Variants in SPTLC3 observed in about 807,000 individuals in gnomAD.
SPTLC3 encodes serine palmitoyltransferase 3.
Under a neutral mutation model 59.3 loss-of-function variants are expected in SPTLC3, and 36 were observed. That is an observed-to-expected ratio of 0.61 (90% CI 0.47 to 0.80). The LOEUF (loss-of-function observed/expected upper bound fraction) is 0.80, where lower values mean the gene tolerates loss of function less well. Among genes scored for constraint, SPTLC3 ranks in the 30% least tolerant of loss-of-function variants. The pLI is 0.00. For missense variants in SPTLC3, 625 were observed against 685.1 expected (o/e 0.91, Z 0.98); for synonymous variants, 257 against 240.8 (o/e 1.07, Z -0.62).
At chr20:13,086,923 A>AG (rs1989023598) in intron 4 of SPTLC3, among the ~76,000 whole-genome samples, 2 of 152,038 alleles carry the variant, frequency 1.3e-5, no homozygotes, top group Non-Finnish European at 2.9e-5. Flanking sequence ...CCAGATAGCT[A>AG]GGACTATAGG....
chr20:13,161,315 GA>G (rs1199162080), intron 11 of SPTLC3, among the ~76,000 whole-genome samples: 1 of 152,176 alleles, frequency 6.6e-6, no homozygotes, highest in Non-Finnish European at 1.5e-5. Flanking sequence ...CTCAGTCCTA[GA>G]CATGTTGAGA....
chr20:13,085,226 T>C (rs1370886339), intron 4 of SPTLC3, among the ~76,000 whole-genome samples: 2 of 152,136 alleles, frequency 1.3e-5, no homozygotes, highest in Non-Finnish European at 2.9e-5. Flanking sequence ...TCTTCCAGAC[T>C]ATCTCGGAAT....
At chr20:13,011,883 C>T (rs1186329088) in intron 1 of SPTLC3, among the ~76,000 whole-genome samples, 3 of 152,120 alleles carry the variant, frequency 2.0e-5, no homozygotes, top group Non-Finnish European at 2.9e-5. Flanking sequence ...AGGATTTGTT[C>T]TCCCTCTTCA....
At position 13,089,785 on chromosome 20, in the gene SPTLC3, C is replaced by CAAA. The variant is rs752234758; in HGVS notation, c.608-1281_608-1279dup. On this transcript the variant is annotated intron_variant, in intron 4 of 11. Coordinates refer to ENST00000399002, the MANE Select transcript of SPTLC3 (RefSeq NM_018327.4). ...TGGATGACAGAGCGAGATTCTATCT[C>CAAA]AAAAAAAAAAAAAAAAAAACAAAAC... Among the ~76,000 whole-genome samples, 367 of 79,060 alleles carry CAAA rather than the reference C, an allele frequency of 4.6e-3. 10 individuals carry two copies. The highest frequency in any genetic ancestry group is 9.2e-3 in the African/African-American group (187 of 20,432). 51.9% of individuals were successfully genotyped at this position (79,060 alleles called of 152,430 possible).
At chr20:13,010,231 G>A (rs1486572436) in intron 1 of SPTLC3, among the ~76,000 whole-genome samples, 1 of 152,070 alleles carries the variant, frequency 6.6e-6, no homozygotes, top group African/African-American at 2.4e-5. Context: ...GAGCTCATCT[G>A]CCTGAGGAGC....
intron 10 of SPTLC3, among the ~76,000 whole-genome samples, chr20:13,159,326 T>A (rs1385959042): frequency 2.0e-5 from 3 of 152,198 alleles, no homozygotes; most frequent in Non-Finnish European, 1.5e-5. Flanking sequence ...CCATTCCTCT[T>A]AAACTCAGTT....
intron 8 of SPTLC3, among the ~76,000 whole-genome samples, chr20:13,122,208 A>G (rs2037882700): frequency 6.6e-6 from 1 of 152,228 alleles, no homozygotes; most frequent in Non-Finnish European, 1.5e-5. Context: ...TTTTAAAAGA[A>G]GTGTAAAGCT....
chr20:13,040,367 C>A (rs752112527), intron 1 of SPTLC3, among the ~76,000 whole-genome samples: 1 of 146,566 alleles, frequency 6.8e-6, no homozygotes, highest in Non-Finnish European at 1.5e-5. Flanking sequence ...TGTATTTATA[C>A]TTTTTTTTTT....
rs1030535998 is a variant in SPTLC3, at chr20:13,168,226, C to T, written c.*3359C>T. On this transcript the variant is annotated 3_prime_UTR_variant, in exon 12 of 12. Transcript: ENST00000399002. ...ACAGAGTTTTGTTCTTCTTGTTGCCCAGGCTATAGTGCAATGGCAAGATCT... is the reference window on the plus strand; with the variant it reads ...ACAGAGTTTTGTTCTTCTTGTTGCCTAGGCTATAGTGCAATGGCAAGATCT... 6.7e-6 allele frequency: 1 copy of T among 150,248 alleles called. No individual in the cohort carries two copies. Among genetic ancestry groups the T allele is most frequent in the Non-Finnish European group, 1.5e-5 (1 of 67,794 alleles). The allele number at this position is 150,248 out of a possible 1,614,324, so 9.3% of individuals were successfully genotyped here.
At chr20:13,135,955 A>G (rs540602717) in intron 9 of SPTLC3, among the ~76,000 whole-genome samples, 2 of 152,362 alleles carry the variant, frequency 1.3e-5, no homozygotes, top group South Asian at 2.1e-4. Context: ...TCAAGTGACC[A>G]GTAATGTCGG....
At chr20:13,040,678 C>T (rs1178829994) in intron 1 of SPTLC3, among the ~76,000 whole-genome samples, 1 of 150,942 alleles carries the variant, frequency 6.6e-6, no homozygotes, top group Non-Finnish European at 1.5e-5. Flanking sequence ...TTTGCCTGTG[C>T]CCCCTTTTTT....
chr20:13,095,172 G>C (rs2122638644), intron 6 of SPTLC3, among the ~76,000 whole-genome samples: 1 of 152,318 alleles, frequency 6.6e-6, no homozygotes, highest in South Asian at 2.1e-4. Context: ...CATGACAGAT[G>C]ATTGCTGATC....
intron 4 of SPTLC3, among the ~76,000 whole-genome samples, chr20:13,075,634 A>G (rs1317350136): frequency 6.6e-6 from 1 of 152,120 alleles, no homozygotes; most frequent in African/African-American, 2.4e-5. Flanking sequence ...TGGAGATGAA[A>G]ACAGGAGGCT....
intron 1 of SPTLC3, among the ~76,000 whole-genome samples, chr20:13,028,477 C>T (rs983268470): frequency 6.6e-6 from 1 of 151,918 alleles, no homozygotes; most frequent in African/African-American, 2.4e-5. Flanking sequence ...ATAAATTCAC[C>T]CTAAAAGATA....
Position 13,074,361 on chromosome 20 carries a change from A to G in SPTLC3, c.471A>G (p.Arg157=). 2 of 1,614,044 alleles carry G rather than the reference A, an allele frequency of 1.2e-6. No homozygotes were observed. The highest frequency in any genetic ancestry group is 1.7e-6 in the Non-Finnish European group (2 of 1,179,934). Residue 157 remains arginine, a synonymous_variant, in exon 4 of 12, where the codon AGA becomes AGG. Transcript: ENST00000399002. ...TGTTTCCCCACAGGTTTACTGGAAGAGTCATCAAAGATGTCATCAACATGG... is the reference window on the plus strand; with the variant it reads ...TGTTTCCCCACAGGTTTACTGGAAGGGTCATCAAAGATGTCATCAACATGG... ...DYNWTFRFTG[R]VIKDVINMGS...
At chr20:13,151,573 T>G (rs980275450) in intron 9 of SPTLC3, among the ~76,000 whole-genome samples, 3 of 152,198 alleles carry the variant, frequency 2.0e-5, no homozygotes, top group Non-Finnish European at 4.4e-5. Context: ...AAAACAAGCA[T>G]GGACAATTGG....
intron 4 of SPTLC3, among the ~76,000 whole-genome samples, chr20:13,083,277 A>T (rs1186804609): frequency 6.6e-6 from 1 of 152,120 alleles, no homozygotes; most frequent in Non-Finnish European, 1.5e-5. Context: ...AGATGTGTAT[A>T]TTCCTCTGAA....
In SPTLC3 at chr20:13,009,411, T is replaced by G. The variant is rs75655091; in HGVS notation, c.117+27T>G. 11,798 of 1,561,764 alleles carry G rather than the reference T, an allele frequency of 7.6e-3. 781 individuals are homozygous for G. In the African/African-American group the frequency reaches 0.14, roughly 19 times the overall value. On this transcript the variant is annotated intron_variant, in intron 1 of 11. Coordinates refer to ENST00000399002, the MANE Select transcript of SPTLC3 (RefSeq NM_018327.4). ...TAAGAGGCACTCTCCCCTACTCTTC[T>G]CTGAATTACCTGAACGTTTCAATAT... is the stretch of plus-strand genomic sequence containing the variant.
At chr20:13,117,929 A>G (rs1291885752) in intron 8 of SPTLC3, among the ~76,000 whole-genome samples, 1 of 152,210 alleles carries the variant, frequency 6.6e-6, no homozygotes, top group African/African-American at 2.4e-5. Flanking sequence ...GGAGCATGTG[A>G]TGAGTGATCA....
Sources: gnomAD v4.1 joint callset for allele counts (sites outside exome capture counted in the v4.1 genomes callset) on GRCh38, gnomAD v4.1.1 for gene constraint, MANE v1.5 for transcripts, NCBI Gene and HGNC (gene_info 2026-07-23, HGNC 2026-07-21) for gene names.